The following SLC4A10 variants were observed in gnomAD, a reference collection of about 807,000 sequenced individuals.
SLC4A10 encodes the protein solute carrier family 4 member 10, also known as sodium-driven chloride bicarbonate exchanger.
Under a neutral mutation model 137.7 loss-of-function variants are expected in SLC4A10, and 42 were observed. That is an observed-to-expected ratio of 0.30 (90% CI 0.24 to 0.39). SLC4A10 has a LOEUF of 0.39. Among genes scored for constraint, SLC4A10 ranks in the 10% least tolerant of loss-of-function variants. The probability of loss-of-function intolerance (pLI) is 1.00; values close to 1 mark genes in which losing one functional copy is unlikely to be tolerated. For synonymous variants in SLC4A10, 474 were observed against 464.1 expected (o/e 1.02, Z -0.27); for missense variants, 925 against 1,355.0 (o/e 0.68, Z 4.98).
chr2:161,751,573 A>G (rs550303431), intron 1 of SLC4A10, among the ~76,000 whole-genome samples: 1 of 151,730 alleles, frequency 6.6e-6, no homozygotes, highest in Admixed American at 6.6e-5. Context: ...CAATTCTCAG[A>G]GGGAATTGAT....
chr2:161,629,310 C>A (rs1248779461), intron 1 of SLC4A10, among the ~76,000 whole-genome samples: 1 of 146,910 alleles, frequency 6.8e-6, no homozygotes, highest in Non-Finnish European at 1.5e-5. Flanking sequence ...CTCAGATACT[C>A]TTTGGGGTGT....
At position 161,950,722 on chromosome 2, in the gene SLC4A10, T is replaced by C. The variant is rs773160790; in HGVS notation, c.2415T>C (p.Pro805=). The change falls in exon 19 of 27, where the codon CCT becomes CCC. Residue 805 remains proline (P), a synonymous_variant. Transcript: ENST00000446997. ...TRDDRGWFVT[P]LGPNPWWTVI... ...ATGATCGTGGCTGGTTTGTTACGCC[T>C]TTAGGTCCAAACCCATGGTGGACAG... The C allele has an allele frequency of 6.7e-5, 106 of 1,593,846 alleles. No individual in the cohort carries two copies. Among genetic ancestry groups the C allele is most frequent in the Non-Finnish European group, 8.8e-5 (103 of 1,169,142 alleles).
At chr2:161,920,083 C>T (rs1194810498) in intron 15 of SLC4A10, among the ~76,000 whole-genome samples, 1 of 152,220 alleles carries the variant, frequency 6.6e-6, no homozygotes, top group Admixed American at 6.5e-5. Context: ...GCACAGTGGC[C>T]AGACCATATG....
At chr2:161,633,991 A>G (rs2034009035) in intron 1 of SLC4A10, among the ~76,000 whole-genome samples, 1 of 151,826 alleles carries the variant, frequency 6.6e-6, no homozygotes, top group South Asian at 2.1e-4. Flanking sequence ...TTAACTTTCT[A>G]AAAACTAGAA....
chr2:161,671,208 T>G (rs1251320363), intron 1 of SLC4A10, among the ~76,000 whole-genome samples: 7 of 152,080 alleles, frequency 4.6e-5, no homozygotes, highest in Non-Finnish European at 1.0e-4. Flanking sequence ...TGAGAGGTTC[T>G]CTCCCTTCCA....
Position 161,871,119 on chromosome 2 carries a change from T to C in SLC4A10, c.767-1174T>C, listed in dbSNP as rs920024109. Among the ~76,000 whole-genome samples the C allele has an allele frequency of 6.6e-5, 10 of 151,840 alleles. No homozygotes were observed. The South Asian group carries it at 1.7e-3, about 25-fold the overall frequency. On this transcript the variant is annotated intron_variant, in intron 6 of 26. Transcript: ENST00000446997. ...TTCTAGGTAACAAAGAATAAGTGGG[T>C]TTTCAGGAGAGAATTTAAGGGAAAG...
At chr2:161,827,673 C>G (rs2058106481) in intron 3 of SLC4A10, among the ~76,000 whole-genome samples, 1 of 151,982 alleles carries the variant, frequency 6.6e-6, no homozygotes, top group South Asian at 2.1e-4. Flanking sequence ...TCACACCATT[C>G]TCCTGCCTCA....
chr2:161,805,573 A>G (rs1023574426), intron 3 of SLC4A10, among the ~76,000 whole-genome samples: 2 of 152,182 alleles, frequency 1.3e-5, no homozygotes, highest in Non-Finnish European at 2.9e-5. Context: ...AATGGGAGAT[A>G]TTGGCCAAAA....
chr2:161,834,757 C>G (rs534724087), intron 3 of SLC4A10, among the ~76,000 whole-genome samples: 68 of 152,096 alleles, frequency 4.5e-4, no homozygotes, highest in African/African-American at 1.6e-3. Context: ...AACCATCAAT[C>G]ACTCATTCCA....
intron 1 of SLC4A10, among the ~76,000 whole-genome samples, chr2:161,746,934 T>C (rs2048449605): frequency 6.6e-6 from 1 of 152,162 alleles, no homozygotes. Context: ...TTTATTTTGC[T>C]GTAGCTGAGC....
At chr2:161,945,192 A>G (rs934908618) in intron 16 of SLC4A10, among the ~76,000 whole-genome samples, 3,407 of 31,490 alleles carry the variant, frequency 0.11, 228 homozygotes, top group African/African-American at 0.2. Context: ...GTATATATAT[A>G]TATATATATA....
intron 1 of SLC4A10, among the ~76,000 whole-genome samples, chr2:161,741,258 CAAAA>C (rs11314115): frequency 1.0e-5 from 1 of 100,110 alleles, no homozygotes. Flanking sequence ...GAAAGACTCT[CAAAA>C]AAAAAAAAAA....
Position 161,655,594 on chromosome 2 carries a change from T to C in SLC4A10, c.48+31028T>C, listed in dbSNP as rs375761575. On this transcript the variant is annotated intron_variant, in intron 1 of 26. Transcript: ENST00000446997. ...ATCAGATGGCTTCACTGGTGAATTCTATCAAATAGTTAAGAAAGAATTCAT... is the reference window on the plus strand; with the variant it reads ...ATCAGATGGCTTCACTGGTGAATTCCATCAAATAGTTAAGAAAGAATTCAT... 3.3e-5 allele frequency among the ~76,000 whole-genome samples: 5 copies of C among 152,292 alleles called. No individual in the cohort carries two copies. In the East Asian group the frequency reaches 5.8e-4, roughly 18 times the overall value.
chr2:161,722,116 G>T (rs551101753), intron 1 of SLC4A10, among the ~76,000 whole-genome samples: 67 of 152,218 alleles, frequency 4.4e-4, no homozygotes, highest in African/African-American at 1.6e-3. Flanking sequence ...CTTTGCATTG[G>T]GTTAGAACGT....
At chr2:161,912,525 C>A (rs1686094450) in intron 15 of SLC4A10, among the ~76,000 whole-genome samples, 1 of 151,976 alleles carries the variant, frequency 6.6e-6, no homozygotes, top group Non-Finnish European at 1.5e-5. Context: ...AATACCTCAC[C>A]ACAGACACTG....
intron 23 of SLC4A10, among the ~76,000 whole-genome samples, chr2:161,968,802 G>T (rs1181243916): frequency 6.6e-6 from 1 of 152,174 alleles, no homozygotes; most frequent in East Asian, 1.9e-4. Flanking sequence ...TATTAAAAGA[G>T]TATGGTCACT....
In SLC4A10 at chr2:161,710,831, A is replaced by G. The variant is rs185464655; in HGVS notation, c.49-60142A>G. 226 of 369,570 alleles carry G rather than the reference A, an allele frequency of 6.1e-4. 2 individuals are homozygous for G. The East Asian group carries it at 0.011, about 18-fold the overall frequency. 22.9% of individuals were successfully genotyped at this position (369,570 alleles called of 1,614,324 possible). A position where few individuals can be genotyped will look rare whatever the true frequency, so the allele number is the denominator to read the frequency against. On this transcript the variant is annotated intron_variant, in intron 1 of 26. Coordinates refer to ENST00000446997, the MANE Select transcript of SLC4A10 (RefSeq NM_001178015.2). Reference sequence around the variant, plus strand: ...AAGGCTGAGCATTGGATGATACTGTATGTATTTGGTGTTATGAGGAATGCA... The same window carrying G: ...AAGGCTGAGCATTGGATGATACTGTGTGTATTTGGTGTTATGAGGAATGCA...
chr2:161,765,850 G>A (rs2050748441), intron 1 of SLC4A10, among the ~76,000 whole-genome samples: 1 of 152,040 alleles, frequency 6.6e-6, no homozygotes. Flanking sequence ...CAAAAGGCTG[G>A]CACCTGGTGC....
chr2:161,884,633 A>G (rs981677621), intron 10 of SLC4A10, among the ~76,000 whole-genome samples: 2 of 152,152 alleles, frequency 1.3e-5, no homozygotes, highest in Non-Finnish European at 2.9e-5. Flanking sequence ...AATTATTTAG[A>G]CTTGAAAGTT....
Sources: allele counts gnomAD v4.1 joint callset (sites outside exome capture counted in the v4.1 genomes callset), GRCh38; gene constraint gnomAD v4.1.1; transcripts MANE v1.5; gene names NCBI Gene and HGNC (gene_info 2026-07-23, HGNC 2026-07-21).